ALMS1: variants seen among roughly 807,000 people sequenced by gnomAD.
The protein encoded by ALMS1 is ALMS1 centrosome and basal body associated protein.
A neutral mutation model predicts 352.2 loss-of-function variants in ALMS1; 271 were observed. The observed-to-expected ratio is 0.77, with a 90% CI of 0.70 to 0.85. ALMS1 has a LOEUF of 0.85. ALMS1 is among the 40% of genes least tolerant of loss of function. ALMS1 has a pLI of 0.00. For synonymous variants in ALMS1, 1,865 were observed against 1,761.2 expected, an observed-to-expected ratio of 1.06 and a Z score of -1.48; for missense variants, 5,445 against 4,870.7, an observed-to-expected ratio of 1.12 and a Z score of -3.51.
chr2:73,478,882 C>G (rs1042773774), intron 9 of ALMS1, among the ~76,000 whole-genome samples: 2 of 151,926 alleles, frequency 1.3e-5, no homozygotes, highest in South Asian at 4.2e-4. Flanking sequence ...ATGTTCCCCT[C>G]CCTGTGTCCA....
rs1237871599 is a variant in ALMS1 at position 73,451,310 on chromosome 2, C to G, written c.4783C>G (p.Leu1595Val). ...AGATGGTCATCTACCTGAAGAGGCT[C>G]TGAAAGTTTCCATTGTTTCTGGACC... ...FPDGHLPEEA[L>V]KVSIVSGPTE... Residue 1595 changes from leucine (L) to valine (V), a missense_variant, in exon 8 of 23, where the codon CTG (leucine) becomes GTG (valine). Coordinates refer to ENST00000613296, the MANE Select transcript of ALMS1 (RefSeq NM_001378454.1). The G allele has an allele frequency of 2.5e-6, 4 of 1,614,122 alleles. No homozygotes were observed. The South Asian group carries it at 4.4e-5, about 18-fold the overall frequency.
chr2:73,413,462 G>A (rs1474110751), intron 2 of ALMS1, among the ~76,000 whole-genome samples: 3 of 151,890 alleles, frequency 2.0e-5, no homozygotes, highest in African/African-American at 7.3e-5. Context: ...TTGACATTTT[G>A]GGTTGAATAA....
chr2:73,414,630 T>G (rs1671149974), intron 2 of ALMS1, among the ~76,000 whole-genome samples: 1 of 152,062 alleles, frequency 6.6e-6, no homozygotes, highest in Non-Finnish European at 1.5e-5. Context: ...TTTTCTGTCC[T>G]CCTCTTAGGT....
intron 20 of ALMS1, among the ~76,000 whole-genome samples, chr2:73,602,704 A>G (rs3111896): frequency 3.9e-5 from 6 of 152,182 alleles, no homozygotes; most frequent in Non-Finnish European, 5.9e-5. Context: ...TGGTAATAAT[A>G]ATAATAATAA....
chr2:73,595,215 T>C (rs933173417), intron 16 of ALMS1, among the ~76,000 whole-genome samples: 1 of 152,202 alleles, frequency 6.6e-6, no homozygotes. Flanking sequence ...CCATTTTAAG[T>C]GTACAGTTAA....
chr2:73,391,449 A>T (rs1234232984), intron 1 of ALMS1, among the ~76,000 whole-genome samples: 1 of 151,310 alleles, frequency 6.6e-6, no homozygotes, highest in East Asian at 2.0e-4. Flanking sequence ...GCCCGCCACC[A>T]CGCCCGGCTA....
chr2:73,493,910 A>C (rs1673045709), intron 10 of ALMS1, among the ~76,000 whole-genome samples: 1 of 152,142 alleles, frequency 6.6e-6, no homozygotes, highest in Non-Finnish European at 1.5e-5. Context: ...TAAACGTGAA[A>C]ATTTATGTAG....
rs543502603 is a variant in ALMS1, at chr2:73,490,308, A to G, written c.8349A>G (p.Lys2783=). ...AAATGCATAGTAATTCACAAGATAA[A>G]GAAGTGACTATTTTAGCAGAAGGTA... is the stretch of plus-strand genomic sequence containing the variant. ...SFKMHSNSQD[K]EVTILAEGRR... is the part of the protein sequence containing the mutation. The change falls in exon 10 of 23, where the codon AAA becomes AAG. Residue 2783 remains lysine (K), a synonymous_variant. Coordinates refer to ENST00000613296, the MANE Select transcript of ALMS1 (RefSeq NM_001378454.1). 8.1e-6 allele frequency: 13 copies of G among 1,612,174 alleles called. No homozygotes were observed. In the African/African-American group the frequency reaches 1.7e-4, roughly 22 times the overall value.
At chr2:73,427,741 A>C (rs1305228517) in intron 6 of ALMS1, among the ~76,000 whole-genome samples, 1 of 152,060 alleles carries the variant, frequency 6.6e-6, no homozygotes, top group African/African-American at 2.4e-5. Flanking sequence ...CCTTGGCATT[A>C]ATGTTCCTCT....
chr2:73,445,146 G>C (rs1174957369), intron 7 of ALMS1, among the ~76,000 whole-genome samples: 1 of 151,610 alleles, frequency 6.6e-6, no homozygotes, highest in African/African-American at 2.4e-5. Context: ...ATATTTATGG[G>C]GTACATGAGA....
In ALMS1 at chr2:73,600,706, A is replaced by C. The variant is rs781143775; in HGVS notation, c.11697A>C (p.Lys3899Asn). The C allele has an allele frequency of 6.2e-7, 1 of 1,614,118 alleles. No homozygotes were observed. The highest frequency in any genetic ancestry group is 1.1e-5 in the South Asian group (1 of 91,064). Residue 3899 changes from lysine (K) to asparagine (N), a missense_variant, in exon 18 of 23, where the codon AAA becomes AAC. Physicochemically the swap from Lys to Asn is moderately conservative, Grantham distance 94 (BLOSUM62 0). Coordinates refer to ENST00000613296, the MANE Select transcript of ALMS1 (RefSeq NM_001378454.1). ...ACTTGGAGATTGTGAACGGTGCCAA[A>C]AAACACACTCGAGATGTTGGGATAA... ...AGNLEIVNGA[K>N]KHTRDVGITF...
intron 12 of ALMS1, among the ~76,000 whole-genome samples, chr2:73,536,164 CTTAA>C (rs1480264127): frequency 1.3e-5 from 2 of 152,212 alleles, no homozygotes; most frequent in Non-Finnish European, 2.9e-5. Flanking sequence ...AACAAGCTCA[CTTAA>C]TTGATTGTAG....
At chr2:73,591,303 C>G (rs995321645) in intron 16 of ALMS1, among the ~76,000 whole-genome samples, 4 of 152,092 alleles carry the variant, frequency 2.6e-5, no homozygotes, top group African/African-American at 9.7e-5. Context: ...TAAGCTTAAG[C>G]TTTTAATCTA....
At chr2:73,558,552 T>G (rs1320263592) in intron 14 of ALMS1, among the ~76,000 whole-genome samples, 3 of 152,234 alleles carry the variant, frequency 2.0e-5, no homozygotes, top group Non-Finnish European at 4.4e-5. Context: ...CCTCTTTTCC[T>G]TATAAATTCT....
chr2:73,492,694 G>C (rs1191936589), intron 10 of ALMS1, among the ~76,000 whole-genome samples: 1 of 152,180 alleles, frequency 6.6e-6, no homozygotes, highest in Non-Finnish European at 1.5e-5. Context: ...GTCAATCTCT[G>C]ATTTCAATGT....
chr2:73,527,420 G>C (rs1252605883), intron 11 of ALMS1, among the ~76,000 whole-genome samples: 6 of 151,966 alleles, frequency 3.9e-5, no homozygotes, highest in Admixed American at 3.9e-4. Context: ...TTTGCTGGGA[G>C]ACTTTTTATT....
chr2:73,388,002 A>G (rs990630990), intron 1 of ALMS1, among the ~76,000 whole-genome samples: 6 of 151,638 alleles, frequency 4.0e-5, no homozygotes, highest in African/African-American at 1.5e-4. Context: ...CAATATTAAG[A>G]TATGGCCAGA....
intron 21 of ALMS1, among the ~76,000 whole-genome samples, chr2:73,608,132 T>A (rs1675853939): frequency 6.6e-6 from 1 of 152,212 alleles, no homozygotes; most frequent in Non-Finnish European, 1.5e-5. Flanking sequence ...GTAACGCTGT[T>A]CATTATCTTA....
intron 15 of ALMS1, among the ~76,000 whole-genome samples, chr2:73,569,424 A>G (rs553492926): frequency 3.3e-5 from 5 of 152,212 alleles, no homozygotes; most frequent in East Asian, 1.9e-4. Context: ...TTTTAGAGCA[A>G]TGTTATCTAT....
Sources: allele counts gnomAD v4.1 joint callset (sites outside exome capture counted in the v4.1 genomes callset), GRCh38; gene constraint gnomAD v4.1.1; transcripts MANE v1.5; gene names NCBI Gene and HGNC (gene_info 2026-07-23, HGNC 2026-07-21).